AMPH: variants seen among roughly 807,000 people sequenced by gnomAD.
The protein encoded by AMPH is amphiphysin (Stiff-Mann syndrome with breast cancer 128kD autoantigen).
Under a neutral mutation model 99.1 loss-of-function variants are expected in AMPH, and 49 were observed. That is an observed-to-expected ratio of 0.49 (90% CI 0.39 to 0.63). AMPH has a LOEUF of 0.63. AMPH is among the 20% of genes least tolerant of loss of function. The pLI, the probability that AMPH is intolerant of heterozygous loss-of-function variation, is 0.00. For missense variants in AMPH, 759 were observed against 863.4 expected, an observed-to-expected ratio of 0.88 and a Z score of 1.52; for synonymous variants, 314 against 317.3, an observed-to-expected ratio of 0.99 and a Z score of 0.11.
At chr7:38,571,278 T>TATATA (rs1562835213) in intron 1 of AMPH, among the ~76,000 whole-genome samples, 3,468 of 38,808 alleles carry the variant, frequency 0.089, 519 homozygotes, top group Admixed American at 0.16. Context: ...TATATATATA[T>TATATA]TTTTATATAT....
chr7:38,394,905 C>T (rs2128976441), intron 17 of AMPH, among the ~76,000 whole-genome samples: 1 of 152,312 alleles, frequency 6.6e-6, no homozygotes, highest in African/African-American at 2.4e-5. Flanking sequence ...TGCTATTTCC[C>T]CTTTAAATAC....
At chr7:38,626,389 C>T (rs1239015423) in intron 1 of AMPH, among the ~76,000 whole-genome samples, 1 of 152,062 alleles carries the variant, frequency 6.6e-6, no homozygotes, top group Non-Finnish European at 1.5e-5. Flanking sequence ...GAAATAACAC[C>T]ACACATCTAC....
At chr7:38,561,353 T>C (rs893629215) in intron 1 of AMPH, among the ~76,000 whole-genome samples, 3 of 152,218 alleles carry the variant, frequency 2.0e-5, no homozygotes, top group African/African-American at 7.2e-5. Flanking sequence ...AGCCCTGTCT[T>C]ATCCTCCAGA....
At chr7:38,513,408 C>G (rs553768937) in intron 2 of AMPH, among the ~76,000 whole-genome samples, 1 of 152,112 alleles carries the variant, frequency 6.6e-6, no homozygotes, top group Non-Finnish European at 1.5e-5. Context: ...GGAAGTCTAG[C>G]TGAAAATGGG....
intron 1 of AMPH, among the ~76,000 whole-genome samples, chr7:38,579,548 T>C (rs143059374): frequency 1.7e-3 from 254 of 152,352 alleles, no homozygotes; most frequent in Middle Eastern, 6.8e-3. Context: ...TGTTAGTGTA[T>C]ATTATCTTGA....
At chr7:38,503,504 G>GGGT (rs1554348780) in intron 3 of AMPH, 146 bp downstream of exon 3, 3 of 512,784 alleles carry the variant, frequency 5.9e-6, no homozygotes, top group African/African-American at 4.3e-5. Flanking sequence ...GCGGGGGGGT[G>GGGT]GGTGGTGGAA....
intron 1 of AMPH, among the ~76,000 whole-genome samples, chr7:38,587,947 T>TGTGTGCGC (rs1554368935): frequency 1.3e-4 from 19 of 144,714 alleles, no homozygotes; most frequent in African/African-American, 4.8e-4. Flanking sequence ...TGTGTGTGTG[T>TGTGTGCGC]GTGCGCGTGT....
chr7:38,503,500 G>GA (rs1276512813), intron 3 of AMPH, 150 bp downstream of exon 3: 2 of 544,798 alleles, frequency 3.7e-6, no homozygotes, highest in Non-Finnish European at 6.4e-6. Flanking sequence ...TGGGGCGGGG[G>GA]GGTGGGTGGT....
In AMPH at chr7:38,391,869, G is replaced by A. The variant is rs142938499; in HGVS notation, c.1757C>T (p.Thr586Met). 4,560 of 1,612,822 alleles carry A rather than the reference G, an allele frequency of 2.8e-3. 5 individuals carry two copies. Among genetic ancestry groups the A allele is most frequent in the Non-Finnish European group, 3.4e-3 (4,011 of 1,179,706 alleles). ...GPTSETPELATEQKPIQDPQP... is the reference protein window; with the variant it reads ...GPTSETPELAMEQKPIQDPQP... ...AGGGTCCTGGATAGGCTTCTGCTCCGTAGCCAGCTCCGGTGTCTCGCTGGT... is the reference window on the plus strand; with the variant it reads ...AGGGTCCTGGATAGGCTTCTGCTCCATAGCCAGCTCCGGTGTCTCGCTGGT... The change falls in exon 19 of 21, where the codon ACG becomes ATG. Residue 586 changes from threonine to methionine, a missense_variant. Thr to Met is a moderately conservative substitution (Grantham distance 81). Around this residue, in one of 2 missense-constraint regions of AMPH, gnomAD observed 554 missense variants for 575.6 expected, o/e 0.96. Transcript: ENST00000356264.
At chr7:38,471,701 CA>C (rs1787894887) in intron 7 of AMPH, among the ~76,000 whole-genome samples, 1 of 152,138 alleles carries the variant, frequency 6.6e-6, no homozygotes, top group African/African-American at 2.4e-5. Context: ...ATAAAACACA[CA>C]CCATGTGCAC....
chr7:38,500,702 C>T (rs892051523), intron 3 of AMPH, among the ~76,000 whole-genome samples: 3 of 152,130 alleles, frequency 2.0e-5, no homozygotes, highest in Non-Finnish European at 2.9e-5. Context: ...AAATGACTTC[C>T]GTGTTCAAAT....
At chr7:38,408,609 G>A (rs565034496) in intron 17 of AMPH, among the ~76,000 whole-genome samples, 192 of 152,024 alleles carry the variant, frequency 1.3e-3, no homozygotes, top group Non-Finnish European at 2.1e-3. Flanking sequence ...AAGATACAAC[G>A]GCGTGGTGGT....
intron 14 of AMPH, chr7:38,429,569 A>G: frequency 6.9e-7 from 1 of 1,446,546 alleles, no homozygotes; most frequent in Non-Finnish European, 9.2e-7. Flanking sequence ...GACTTTCTGA[A>G]GAGTCAGTCT....
intron 15 of AMPH, among the ~76,000 whole-genome samples, chr7:38,426,635 T>C (rs1248324806): frequency 6.6e-6 from 1 of 152,224 alleles, no homozygotes; most frequent in Admixed American, 6.5e-5. Flanking sequence ...TAATTTCTAG[T>C]AGAGGAATCG....
In AMPH at chr7:38,417,877, C is replaced by T; in HGVS notation, c.1346G>A (p.Gly449Asp). 6.2e-7 allele frequency: 1 copy of T among 1,614,198 alleles called. No individual in the cohort carries two copies. Among genetic ancestry groups the T allele is most frequent in the South Asian group, 1.1e-5 (1 of 91,092 alleles). ...CCGAGTGTCCATTCCAAGGTCCAGACCAACGGCAGGTGTGACAGCAGCCAG... is the reference window on the plus strand; with the variant it reads ...CCGAGTGTCCATTCCAAGGTCCAGATCAACGGCAGGTGTGACAGCAGCCAG... ...EPLAAVTPAV[G>D]LDLGMDTRAE... The change falls in exon 17 of 21, where the codon GGT becomes GAT. Residue 449 changes from glycine (G) to aspartate (D), a missense_variant. By Grantham distance (94) the Gly-to-Asp change is moderately conservative. Coordinates refer to ENST00000356264, the MANE Select transcript of AMPH (RefSeq NM_001635.4).
In AMPH at chr7:38,529,661, T is replaced by C. The variant is rs73122291; in HGVS notation, c.150+5270A>G. ...AACTGAGGCTCTCCATACTGCCATT[T>C]AGAATTGGATCATTATTTAAAACAG... On this transcript the variant is annotated intron_variant, in intron 2 of 20. Coordinates refer to ENST00000356264, the MANE Select transcript of AMPH (RefSeq NM_001635.4). Among the ~76,000 whole-genome samples the C allele has an allele frequency of 3.3e-5, 5 of 152,352 alleles. No individual in the cohort carries two copies. In the East Asian group the frequency reaches 9.6e-4, roughly 29 times the overall value.
intron 2 of AMPH, among the ~76,000 whole-genome samples, chr7:38,512,426 G>A (rs1789575303): frequency 6.6e-6 from 1 of 152,110 alleles, no homozygotes; most frequent in Non-Finnish European, 1.5e-5. Context: ...CAGTCAACCT[G>A]GGAATCATTG....
intron 3 of AMPH, among the ~76,000 whole-genome samples, chr7:38,500,352 C>T (rs756279030): frequency 6.6e-6 from 1 of 152,162 alleles, no homozygotes. Flanking sequence ...TTAACATAGT[C>T]AATCAGCAAA....
At chr7:38,445,293 T>C (rs929214602) in intron 11 of AMPH, among the ~76,000 whole-genome samples, 1 of 152,102 alleles carries the variant, frequency 6.6e-6, no homozygotes, top group Non-Finnish European at 1.5e-5. Flanking sequence ...CAGGCCTAAA[T>C]GTAACACCTG....
Sources: gnomAD v4.1 joint callset for allele counts (sites outside exome capture counted in the v4.1 genomes callset) on GRCh38, gnomAD v4.1.1 for gene constraint, gnomAD v4.1.1 regional missense constraint, MANE v1.5 for transcripts, NCBI Gene and HGNC (gene_info 2026-07-23, HGNC 2026-07-21) for gene names.